Variants in TMCC3 observed in about 807,000 individuals in gnomAD.
TMCC3 encodes the protein transmembrane and coiled-coil domain protein 3.
A neutral mutation model predicts 40.2 loss-of-function variants in TMCC3; 28 were observed. The ratio of observed to expected loss-of-function variants is 0.70; its 90% CI spans 0.52 to 0.95. The LOEUF (loss-of-function observed/expected upper bound fraction) is 0.95. Among genes scored for constraint, TMCC3 ranks in the 40% least tolerant of loss-of-function variants. The pLI is 0.00. For missense variants in TMCC3, 554 were observed against 615.2 expected, an observed-to-expected ratio of 0.90 and a Z score of 1.05; for synonymous variants, 255 against 248.5, an observed-to-expected ratio of 1.03 and a Z score of -0.25.
At position 94,582,094 on chromosome 12, in the gene TMCC3, G is replaced by A. The variant is rs200062383; in HGVS notation, c.523C>T (p.Arg175Ter). The A allele has an allele frequency of 1.2e-6, 2 of 1,614,216 alleles. No individual in the cohort carries two copies. The highest frequency in any genetic ancestry group is 1.7e-5 in the Admixed American group (1 of 60,034). ...CTCTCCATGCAATGGGGGGCAGTTC[G>A]AGATTTCACGTGGGCATCTTTCAAA... Reference protein sequence around the residue: ...RSLKDAHVKSRTAPHCMESSK... With the variant: ...RSLKDAHVKS Residue 175 changes from arginine to a stop codon, truncating the protein, a stop_gained, in exon 2 of 4, where the codon CGA becomes TGA. Transcript: ENST00000261226. LOFTEE classifies it high-confidence loss of function.
chr12:94,647,745 A>T (rs1472067032), intron 1 of TMCC3, among the ~76,000 whole-genome samples: 1 of 152,232 alleles, frequency 6.6e-6, no homozygotes, highest in Non-Finnish European at 1.5e-5. Flanking sequence ...CATCCAAGTG[A>T]GTTCCACAAT....
At chr12:94,647,523 C>T (rs2069026286) in intron 1 of TMCC3, among the ~76,000 whole-genome samples, 1 of 152,190 alleles carries the variant, frequency 6.6e-6, no homozygotes, top group African/African-American at 2.4e-5. Flanking sequence ...CTCCATATCC[C>T]TGAAAGATTA....
At chr12:94,648,949 C>A (rs547643967) in intron 1 of TMCC3, among the ~76,000 whole-genome samples, 1 of 152,332 alleles carries the variant, frequency 6.6e-6, no homozygotes, top group East Asian at 1.9e-4. Flanking sequence ...TGTTAACTAG[C>A]ATTACAGCTA....
chr12:94,588,013 TG>T (rs1246315757), intron 1 of TMCC3, among the ~76,000 whole-genome samples: 10 of 152,328 alleles, frequency 6.6e-5, no homozygotes, highest in African/African-American at 2.4e-4. Flanking sequence ...GTCACCCCAA[TG>T]CTCTGGAACA....
chr12:94,629,924 T>C, intron 1 of TMCC3, among the ~76,000 whole-genome samples: 1 of 152,356 alleles, frequency 6.6e-6, no homozygotes. Context: ...AGAAGTTATA[T>C]ATGCCCATTT....
intron 1 of TMCC3, among the ~76,000 whole-genome samples, chr12:94,601,808 C>CA (rs61372290): frequency 0.073 from 5,602 of 76,492 alleles, 1,031 homozygotes; most frequent in East Asian, 0.46. Flanking sequence ...GACCTGGTCT[C>CA]AAAAAAAAAA....
Position 94,623,237 on chromosome 12 carries a change from A to C in TMCC3, c.78+27116T>G, listed in dbSNP as rs529345143. Reference sequence around the variant, plus strand: ...ACTAAATCTGCAGGAAAAAAAAAAAAAATCTGAGACTAAGCAGAGTGGACT... The same window carrying C: ...ACTAAATCTGCAGGAAAAAAAAAAACAATCTGAGACTAAGCAGAGTGGACT... On this transcript the variant is annotated intron_variant, in intron 1 of 3. Transcript: ENST00000261226. Among the ~76,000 whole-genome samples the C allele has an allele frequency of 3.9e-5, 6 of 152,306 alleles. No individual in the cohort carries two copies. In the East Asian group the frequency reaches 1.2e-3, roughly 29 times the overall value.
At chr12:94,629,243 G>A (rs1288033637) in intron 1 of TMCC3, among the ~76,000 whole-genome samples, 3 of 152,248 alleles carry the variant, frequency 2.0e-5, no homozygotes, top group Non-Finnish European at 2.9e-5. Context: ...CAAACAACAA[G>A]AGACATCCCT....
At chr12:94,599,563 C>CA (rs1248700049) in intron 1 of TMCC3, among the ~76,000 whole-genome samples, 1 of 95,024 alleles carries the variant, frequency 1.1e-5, no homozygotes, top group African/African-American at 3.9e-5. Flanking sequence ...GATACCCCCC[C>CA]CCCCGCCCAC....
chr12:94,594,231 ACAGAGT>A (rs2068701702), intron 1 of TMCC3, among the ~76,000 whole-genome samples: 1 of 145,604 alleles, frequency 6.9e-6, no homozygotes, highest in African/African-American at 2.6e-5. Flanking sequence ...ACACACACAC[ACAGAGT>A]GAGAGAGAGA....
rs368691692 is a variant in TMCC3, at chr12:94,568,983, C to G, written c.*2452G>C. 6.6e-6 allele frequency: 1 copy of G among 152,238 alleles called. No individual in the cohort carries two copies. Among genetic ancestry groups the G allele is most frequent in the East Asian group, 1.9e-4 (1 of 5,202 alleles). 9.4% of individuals were successfully genotyped at this position (152,238 alleles called of 1,614,324 possible). A position where few individuals can be genotyped will look rare whatever the true frequency, so the allele number is the denominator to read the frequency against. On this transcript the variant is annotated 3_prime_UTR_variant, in exon 4 of 4. Coordinates refer to ENST00000261226, the MANE Select transcript of TMCC3 (RefSeq NM_020698.4). ...CTGCTTTCCATTCTCTTCTCTACTT[C>G]TGTCACTGGGGAGAAGATACACGGA... is the stretch of plus-strand genomic sequence containing the variant.
At chr12:94,575,686 C>T (rs989545009) in intron 3 of TMCC3, among the ~76,000 whole-genome samples, 2 of 152,178 alleles carry the variant, frequency 1.3e-5, no homozygotes, top group African/African-American at 4.8e-5. Context: ...AATATTAACC[C>T]AAACTATCCC....
intron 1 of TMCC3, among the ~76,000 whole-genome samples, chr12:94,611,648 G>A (rs1277240928): frequency 3.3e-5 from 5 of 152,040 alleles, no homozygotes; most frequent in Admixed American, 3.3e-4. Context: ...ATAAAATGGT[G>A]TAGTATTTGC....
chr12:94,620,001 TA>T (rs2068867113), intron 1 of TMCC3, among the ~76,000 whole-genome samples: 1 of 151,936 alleles, frequency 6.6e-6, no homozygotes, highest in Admixed American at 6.6e-5. Flanking sequence ...CTGTCTCTAC[TA>T]AAAATGCAAA....
chr12:94,603,918 A>AT (rs1211454292), intron 1 of TMCC3, among the ~76,000 whole-genome samples: 1 of 151,842 alleles, frequency 6.6e-6, no homozygotes, highest in Non-Finnish European at 1.5e-5. Flanking sequence ...TCTAGCAAGA[A>AT]AAAAAACCAC....
chr12:94,643,500 A>G (rs1594301669), intron 1 of TMCC3, among the ~76,000 whole-genome samples: 1 of 152,294 alleles, frequency 6.6e-6, no homozygotes, highest in Non-Finnish European at 1.5e-5. Flanking sequence ...GAGACCAAAC[A>G]TCAGGCAAAA....
At chr12:94,590,019 G>C (rs530068060) in intron 1 of TMCC3, among the ~76,000 whole-genome samples, 1 of 151,746 alleles carries the variant, frequency 6.6e-6, no homozygotes, top group African/African-American at 2.4e-5. Flanking sequence ...CCCTCAGGCT[G>C]AACTTGAAAT....
rs900642684 is a variant in TMCC3, at chr12:94,570,585, C to G, written c.*850G>C. ...CAGCCTGAGCAATATTTAGCAGAGC[C>G]CTGTCTCAAAAAAGAAAAAAGATTT... is the stretch of plus-strand genomic sequence containing the variant. On this transcript the variant is annotated 3_prime_UTR_variant, in exon 4 of 4. Coordinates refer to ENST00000261226, the MANE Select transcript of TMCC3 (RefSeq NM_020698.4). 2.6e-5 allele frequency: 4 copies of G among 152,236 alleles called. No homozygotes were observed. The highest frequency in any genetic ancestry group is 4.8e-5 in the African/African-American group (2 of 41,398). The allele number at this position is 152,236 out of a possible 1,614,324, so 9.4% of individuals were successfully genotyped here.
chr12:94,647,619 T>A (rs2069026805), intron 1 of TMCC3, among the ~76,000 whole-genome samples: 1 of 152,192 alleles, frequency 6.6e-6, no homozygotes, highest in African/African-American at 2.4e-5. Flanking sequence ...GGGTTCTTTT[T>A]AAATCCTATA....
Sources: gnomAD v4.1 joint callset for allele counts (sites outside exome capture counted in the v4.1 genomes callset) on GRCh38, gnomAD v4.1.1 for gene constraint, MANE v1.5 for transcripts, NCBI Gene and HGNC (gene_info 2026-07-23, HGNC 2026-07-21) for gene names.